Variants in DCC observed in about 807,000 individuals in gnomAD.
DCC encodes DCC netrin 1 receptor.
Under a neutral mutation model 172.5 loss-of-function variants are expected in DCC, and 58 were observed. The ratio of observed to expected loss-of-function variants is 0.34; its 90% CI spans 0.27 to 0.42. The LOEUF is 0.42. Ranked by LOEUF, DCC falls within the 10% of genes least tolerant of loss-of-function variation. The pLI, the probability that DCC is intolerant of heterozygous loss-of-function variation, is 1.00. For missense variants in DCC, 1,740 were observed against 1,791.0 expected, an observed-to-expected ratio of 0.97 and a Z score of 0.51; for synonymous variants, 709 against 644.5, an observed-to-expected ratio of 1.10 and a Z score of -1.52.
In DCC at chr18:53,178,979, C is replaced by A. The variant is rs752557178; in HGVS notation, c.1436C>A (p.Thr479Lys). Reference protein sequence around the residue: ...EGDNRERALNTTQPGSLQLTV... With the variant: ...EGDNRERALNKTQPGSLQLTV... ...TTTCTCAGGGAACGAGCATTGAATA[C>A]AACACAGCCTGGGTCCCTTCAGCTC... is the stretch of plus-strand genomic sequence containing the variant. The change falls in exon 9 of 29, where the codon ACA (threonine) becomes AAA (lysine). Residue 479 changes from threonine (T) to lysine (K), a missense_variant. Transcript: ENST00000442544. 4 of 1,613,978 alleles carry A rather than the reference C, an allele frequency of 2.5e-6. No individual in the cohort carries two copies. The highest frequency in any genetic ancestry group is 3.3e-5 in the Admixed American group (2 of 60,002).
chr18:53,319,569 A>G (rs944189723), intron 13 of DCC, among the ~76,000 whole-genome samples: 4 of 152,256 alleles, frequency 2.6e-5, no homozygotes, highest in African/African-American at 9.6e-5. Context: ...TAAAACAGGT[A>G]TATCAGTCAG....
intron 7 of DCC, among the ~76,000 whole-genome samples, chr18:53,071,954 C>A (rs996212646): frequency 6.6e-6 from 1 of 152,074 alleles, no homozygotes; most frequent in Non-Finnish European, 1.5e-5. Context: ...CATGGAGAAA[C>A]CCCATCTCTA....
At chr18:52,364,217 C>T (rs1984744460) in intron 1 of DCC, among the ~76,000 whole-genome samples, 1 of 152,130 alleles carries the variant, frequency 6.6e-6, no homozygotes, top group Non-Finnish European at 1.5e-5. Context: ...GAGAAATGTT[C>T]ATAGAATAAA....
At chr18:52,842,774 A>C (rs2038827907) in intron 2 of DCC, among the ~76,000 whole-genome samples, 1 of 152,304 alleles carries the variant, frequency 6.6e-6, no homozygotes, top group South Asian at 2.1e-4. Context: ...GTCCCTAATA[A>C]GTTATTTGAA....
chr18:53,146,567 G>C (rs2043919385), intron 7 of DCC, among the ~76,000 whole-genome samples: 1 of 152,196 alleles, frequency 6.6e-6, no homozygotes. Context: ...TTGCATTGGA[G>C]ATTAAATTTC....
intron 5 of DCC, among the ~76,000 whole-genome samples, chr18:53,047,936 G>T (rs2042279449): frequency 6.7e-6 from 1 of 148,394 alleles, no homozygotes; most frequent in African/African-American, 2.5e-5. Flanking sequence ...TGTGTGTATA[G>T]TTTATGTATT....
chr18:53,491,937 A>G (rs193231766), intron 26 of DCC, among the ~76,000 whole-genome samples: 3 of 152,292 alleles, frequency 2.0e-5, no homozygotes, highest in Admixed American at 2.0e-4. Flanking sequence ...AACAGTGTAA[A>G]AGCCTTCCTA....
At chr18:52,384,552 G>A (rs1284503309) in intron 1 of DCC, among the ~76,000 whole-genome samples, 2 of 152,108 alleles carry the variant, frequency 1.3e-5, no homozygotes, top group Non-Finnish European at 2.9e-5. Flanking sequence ...CAGAAATGAA[G>A]GTAACAAAAG....
intron 1 of DCC, among the ~76,000 whole-genome samples, chr18:52,376,218 C>T (rs1425314161): frequency 6.6e-6 from 1 of 152,088 alleles, no homozygotes; most frequent in Admixed American, 6.6e-5. Context: ...TTGAGGTCCT[C>T]AATTGGAGGA....
chr18:52,651,241 C>G (rs1472945803), intron 1 of DCC, among the ~76,000 whole-genome samples: 1 of 152,188 alleles, frequency 6.6e-6, no homozygotes, highest in Non-Finnish European at 1.5e-5. Flanking sequence ...TGGCTCACTG[C>G]AGCCTTGAGC....
At chr18:52,475,221 T>C (rs1989059073) in intron 1 of DCC, among the ~76,000 whole-genome samples, 1 of 152,190 alleles carries the variant, frequency 6.6e-6, no homozygotes, top group Non-Finnish European at 1.5e-5. Context: ...TAAAGCCCTT[T>C]CTACTAACTT....
chr18:53,337,499 T>C (rs2057604999), intron 14 of DCC, among the ~76,000 whole-genome samples: 1 of 152,242 alleles, frequency 6.6e-6, no homozygotes, highest in South Asian at 2.1e-4. Context: ...TAGGAAATAT[T>C]TCACAAACAT....
Position 52,936,566 on chromosome 18 carries a change from G to A in DCC, c.985+11196G>A, listed in dbSNP as rs573103864. The stretch of plus-strand genomic sequence containing the variant: ...TTGGACAAATGAAGTAGAGGCCCCC[G>A]AGGGAAAAGCAAAGTCTATGTACTA... On this transcript the variant is annotated intron_variant, in intron 5 of 28. Transcript: ENST00000442544. Among the ~76,000 whole-genome samples, 24 of 68,798 alleles carry A rather than the reference G, an allele frequency of 3.5e-4. 6 individuals carry two copies. The highest frequency in any genetic ancestry group is 8.0e-4 in the Non-Finnish European group (20 of 24,876). The allele number at this position is 68,798 out of a possible 152,430, so 45.1% of individuals were successfully genotyped here. A position where few individuals can be genotyped will look rare whatever the true frequency, so the allele number is the denominator to read the frequency against.
At chr18:52,872,199 G>C (rs2039330774) in intron 2 of DCC, among the ~76,000 whole-genome samples, 1 of 152,152 alleles carries the variant, frequency 6.6e-6, no homozygotes, top group East Asian at 1.9e-4. Flanking sequence ...TGAGGTTACA[G>C]AAAGAATGGG....
intron 27 of DCC, among the ~76,000 whole-genome samples, chr18:53,506,859 CA>C (rs34848744): frequency 0.63 from 83,525 of 133,030 alleles, 25,847 homozygotes; most frequent in Non-Finnish European, 0.71. Flanking sequence ...GACTCCATCT[CA>C]AAAAAAAAAA....
At position 53,535,065 on chromosome 18, in the gene DCC, T is replaced by A. The variant is rs1214297007; in HGVS notation, c.*4412T>A. The A allele has an allele frequency of 6.7e-6, 1 of 148,436 alleles. No homozygotes were observed. The highest frequency in any genetic ancestry group is 1.5e-5 in the Non-Finnish European group (1 of 67,774). 9.2% of individuals were successfully genotyped at this position (148,436 alleles called of 1,614,324 possible). A position where few individuals can be genotyped will look rare whatever the true frequency, so the allele number is the denominator to read the frequency against. On this transcript the variant is annotated 3_prime_UTR_variant, in exon 29 of 29. Transcript: ENST00000442544. Reference sequence around the variant, plus strand: ...TGTATTTTCAGATGCAAGAAAGGAATGATGGAGAGGAGGAGAAATGCTGTT... The same window carrying A: ...TGTATTTTCAGATGCAAGAAAGGAAAGATGGAGAGGAGGAGAAATGCTGTT...
At chr18:52,549,669 G>A (rs1200237260) in intron 1 of DCC, among the ~76,000 whole-genome samples, 2 of 152,150 alleles carry the variant, frequency 1.3e-5, no homozygotes, top group East Asian at 1.9e-4. Context: ...TCATCTTTTT[G>A]TAGTAGCATC....
At chr18:52,396,218 T>C (rs1248822024) in intron 1 of DCC, among the ~76,000 whole-genome samples, 1 of 151,596 alleles carries the variant, frequency 6.6e-6, no homozygotes, top group Non-Finnish European at 1.5e-5. Flanking sequence ...ATTTGGGCAA[T>C]AAAGTGCTAC....
chr18:53,433,981 A>C (rs186638099), intron 21 of DCC, among the ~76,000 whole-genome samples: 41 of 152,312 alleles, frequency 2.7e-4, no homozygotes, highest in African/African-American at 9.4e-4. Flanking sequence ...TAAATTGTGA[A>C]TATAGAGTCA....
Sources: allele counts gnomAD v4.1 joint callset (sites outside exome capture counted in the v4.1 genomes callset), GRCh38; gene constraint gnomAD v4.1.1; transcripts MANE v1.5; gene names NCBI Gene and HGNC (gene_info 2026-07-23, HGNC 2026-07-21).